The following RBMS2 variants were observed in gnomAD, a reference collection of about 807,000 sequenced individuals.
The protein encoded by RBMS2 is RNA binding motif single stranded interacting protein 2.
Under a neutral mutation model 58.4 loss-of-function variants are expected in RBMS2, and 38 were observed. The observed-to-expected ratio is 0.65, with a 90% CI of 0.50 to 0.85. The LOEUF (loss-of-function observed/expected upper bound fraction) is 0.85. Among genes scored for constraint, RBMS2 ranks in the 40% least tolerant of loss-of-function variants. The pLI, the probability that RBMS2 is intolerant of heterozygous loss-of-function variation, is 0.00. For synonymous variants in RBMS2, 151 were observed against 180.7 expected (o/e 0.84, Z 1.32); for missense variants, 367 against 503.7 (o/e 0.73, Z 2.60).
intron 1 of RBMS2, among the ~76,000 whole-genome samples, chr12:56,553,313 G>A (rs546838822): frequency 1.3e-5 from 2 of 151,528 alleles, no homozygotes; most frequent in East Asian, 3.9e-4. Flanking sequence ...CATCATGCCT[G>A]GCTAATTTTT....
intron 7 of RBMS2, 78 bp downstream of exon 7, chr12:56,581,586 A>G (rs937492684): frequency 2.7e-5 from 39 of 1,437,842 alleles, no homozygotes; most frequent in Non-Finnish European, 3.6e-5. Flanking sequence ...GATTTCTGTG[A>G]GCTTAGGTGG....
rs562159137 is a variant in RBMS2, at chr12:56,527,566, C to T, written c.66+5477C>T. On this transcript the variant is annotated intron_variant, in intron 1 of 13. Coordinates refer to ENST00000262031, the MANE Select transcript of RBMS2 (RefSeq NM_002898.4). Reference sequence around the variant, plus strand: ...GGCAGAGGTTGCAGTGAGCCGAGATCGCGCCATTGCACTTCAGCCCGGGGC... The same window carrying T: ...GGCAGAGGTTGCAGTGAGCCGAGATTGCGCCATTGCACTTCAGCCCGGGGC... 8.3e-4 allele frequency among the ~76,000 whole-genome samples: 126 copies of T among 152,190 alleles called. 1 individual carries two copies. Among genetic ancestry groups the T allele is most frequent in the Non-Finnish European group, 1.1e-3 (73 of 68,016 alleles).
intron 1 of RBMS2, among the ~76,000 whole-genome samples, chr12:56,545,722 T>TAAG (rs1436497787): frequency 5.3e-5 from 8 of 152,308 alleles, no homozygotes; most frequent in Non-Finnish European, 1.0e-4. Flanking sequence ...TTGCATAATG[T>TAAG]TATTGGGCTT....
At position 56,589,306 on chromosome 12, in the gene RBMS2, G is replaced by A. The variant is rs545431860; in HGVS notation, c.*173G>A. The A allele has an allele frequency of 4.0e-5, 54 of 1,354,046 alleles. No individual in the cohort carries two copies. Among genetic ancestry groups the A allele is most frequent in the Admixed American group, 2.2e-4 (9 of 40,902 alleles). The allele number at this position is 1,354,046 out of a possible 1,614,324, so 83.9% of individuals were successfully genotyped here. A position where few individuals can be genotyped will look rare whatever the true frequency, so the allele number is the denominator to read the frequency against. ...TGGGCCTGGAAAAAGAAATCTCTAC[G>A]TTCCTGCCCTTTACTATTGCTGATG... On this transcript the variant is annotated 3_prime_UTR_variant, in exon 14 of 14. Transcript: ENST00000262031.
chr12:56,580,835 G>C (rs780323831), intron 5 of RBMS2, among the ~76,000 whole-genome samples: 1 of 152,104 alleles, frequency 6.6e-6, no homozygotes, highest in Non-Finnish European at 1.5e-5. Context: ...TCAAATTAAA[G>C]GAACAATTTT....
Position 56,589,199 on chromosome 12 carries a change from G to C in RBMS2, c.*66G>C. 1 of 1,519,772 alleles carries C rather than the reference G, an allele frequency of 6.6e-7. No homozygotes were observed. Among genetic ancestry groups the C allele is most frequent in the Non-Finnish European group, 8.8e-7 (1 of 1,130,884 alleles). 94.1% of individuals were successfully genotyped at this position (1,519,772 alleles called of 1,614,324 possible). On this transcript the variant is annotated 3_prime_UTR_variant, in exon 14 of 14. Coordinates refer to ENST00000262031, the MANE Select transcript of RBMS2 (RefSeq NM_002898.4). ...ATTCTTGGAGATACTCATGCTCCCA[G>C]ATTCCAGAGGGTTAACCAGGAATGG...
chr12:56,572,647 C>A, intron 5 of RBMS2: 1 of 289,112 alleles, frequency 3.5e-6, no homozygotes, highest in Non-Finnish European at 5.2e-6. Context: ...TAAATATTCT[C>A]TATCTTACAG....
rs892936382 is a variant in RBMS2 at position 56,557,622 on chromosome 12, C to T, written c.67-4795C>T. ...CTTCTTTTCTAAGAATTTTTTCAGG[C>T]CTTGTAGTAAGTTTATTATTGACTA... is the stretch of plus-strand genomic sequence containing the variant. On this transcript the variant is annotated intron_variant, in intron 1 of 13. Coordinates refer to ENST00000262031, the MANE Select transcript of RBMS2 (RefSeq NM_002898.4). Among the ~76,000 whole-genome samples, 6 of 152,136 alleles carry T rather than the reference C, an allele frequency of 3.9e-5. No individual in the cohort carries two copies. In the South Asian group the frequency reaches 8.3e-4, roughly 21 times the overall value.
chr12:56,589,167 G>A lies in RBMS2; in HGVS notation c.*34G>A, dbSNP rs753081188. The A allele has an allele frequency of 1.1e-5, 17 of 1,541,848 alleles. No individual in the cohort carries two copies. In the African/African-American group the frequency reaches 1.9e-4, roughly 17 times the overall value. On this transcript the variant is annotated 3_prime_UTR_variant, in exon 14 of 14. Transcript: ENST00000262031. The stretch of plus-strand genomic sequence containing the variant: ...TTCCCCTCCCCATCTTTACTGAATA[G>A]AAATGAATTCTTGGAGATACTCATG...
At position 56,589,177 on chromosome 12, in the gene RBMS2, C is replaced by A. The variant is rs796154747; in HGVS notation, c.*44C>A. 1.4e-5 allele frequency: 22 copies of A among 1,535,418 alleles called. No homozygotes were observed. The highest frequency in any genetic ancestry group is 4.1e-5 in the African/African-American group (3 of 72,794). Reference sequence around the variant, plus strand: ...CATCTTTACTGAATAGAAATGAATTCTTGGAGATACTCATGCTCCCAGATT... The same window carrying A: ...CATCTTTACTGAATAGAAATGAATTATTGGAGATACTCATGCTCCCAGATT... On this transcript the variant is annotated 3_prime_UTR_variant, in exon 14 of 14. Transcript: ENST00000262031.
At chr12:56,539,922 C>T (rs1284891978) in intron 1 of RBMS2, among the ~76,000 whole-genome samples, 1 of 152,140 alleles carries the variant, frequency 6.6e-6, no homozygotes, top group Non-Finnish European at 1.5e-5. Flanking sequence ...AAAGTCCCAC[C>T]TTATAGCTTT....
At chr12:56,536,598 C>T (rs1455728024) in intron 1 of RBMS2, among the ~76,000 whole-genome samples, 1 of 149,760 alleles carries the variant, frequency 6.7e-6, no homozygotes, top group Non-Finnish European at 1.5e-5. Flanking sequence ...GATGGAGTCT[C>T]ACTCTGTCTC....
In RBMS2 at chr12:56,521,850, C is replaced by G. The variant is rs1041726937; in HGVS notation, c.-174C>G. On this transcript the variant is annotated 5_prime_UTR_variant, in exon 1 of 14. Transcript: ENST00000262031. ...GAGCTCATTCTCTGCCCGCAGCCCC[C>G]CTTCATCTCTCTCCTCCTGCTCCTT... The G allele has an allele frequency of 3.8e-6, 2 of 521,046 alleles. No homozygotes were observed. Among genetic ancestry groups the G allele is most frequent in the Non-Finnish European group, 6.7e-6 (2 of 298,708 alleles). 32.3% of individuals were successfully genotyped at this position (521,046 alleles called of 1,614,324 possible).
At chr12:56,589,058 G>A (rs1885089086) in intron 13 of RBMS2, 40 bp downstream of exon 13, 5 of 1,613,004 alleles carry the variant, frequency 3.1e-6, no homozygotes, top group Non-Finnish European at 4.2e-6. Flanking sequence ...GGCTGCACTG[G>A]CAGACAGCAG....
rs979310200 is a variant in RBMS2, at chr12:56,522,561, A to G, written c.66+472A>G. 3.2e-4 allele frequency among the ~76,000 whole-genome samples: 49 copies of G among 152,160 alleles called. 1 individual carries two copies. The highest frequency in any genetic ancestry group is 1.0e-4 in the Non-Finnish European group (7 of 68,036). On this transcript the variant is annotated intron_variant, in intron 1 of 13. Transcript: ENST00000262031. Reference sequence around the variant, plus strand: ...AATCATAGATAGTCAGAGAAACCACAACAGTTTATCAAGAGCTGGGTATAC... The same window carrying G: ...AATCATAGATAGTCAGAGAAACCACGACAGTTTATCAAGAGCTGGGTATAC...
In RBMS2 at chr12:56,536,070, G is replaced by A. The variant is rs141980329; in HGVS notation, c.66+13981G>A. Among the ~76,000 whole-genome samples, 910 of 151,748 alleles carry A rather than the reference G, an allele frequency of 6.0e-3. 9 individuals are homozygous for A. The highest frequency in any genetic ancestry group is 0.021 in the African/African-American group (885 of 41,368). Reference sequence around the variant, plus strand: ...ACAAAAATTAGCTGGGCGTGGTGGCGCACACCGTAATCCCAGCTACTCGGG... The same window carrying A: ...ACAAAAATTAGCTGGGCGTGGTGGCACACACCGTAATCCCAGCTACTCGGG... On this transcript the variant is annotated intron_variant, in intron 1 of 13. Transcript: ENST00000262031.
intron 1 of RBMS2, among the ~76,000 whole-genome samples, chr12:56,524,156 G>C (rs999621405): frequency 2.6e-5 from 4 of 152,176 alleles, no homozygotes; most frequent in African/African-American, 9.7e-5. Context: ...TAGTATAGGG[G>C]ACAAGAGGTA....
chr12:56,588,457 C>A, intron 12 of RBMS2, 83 bp downstream of exon 12: 1 of 1,242,338 alleles, frequency 8.0e-7, no homozygotes, highest in Non-Finnish European at 1.2e-6. Context: ...CTTTCTCTCA[C>A]AATGATGCTG....
At chr12:56,542,379 G>A (rs1326827232) in intron 1 of RBMS2, among the ~76,000 whole-genome samples, 2 of 143,150 alleles carry the variant, frequency 1.4e-5, no homozygotes, top group African/African-American at 5.1e-5. Context: ...TAGACTTTTT[G>A]ATGATTCAGG....
Sources: allele counts gnomAD v4.1 joint callset (sites outside exome capture counted in the v4.1 genomes callset), GRCh38; gene constraint gnomAD v4.1.1; transcripts MANE v1.5; gene names NCBI Gene and HGNC (gene_info 2026-07-23, HGNC 2026-07-21).